The following PLXNA4 variants were observed in gnomAD, a reference collection of about 807,000 sequenced individuals.
PLXNA4 encodes the protein plexin A4, also known as plexin-A4.
Under a neutral mutation model 191.8 loss-of-function variants are expected in PLXNA4, and 44 were observed. The ratio of observed to expected loss-of-function variants is 0.23; its 90% confidence interval spans 0.18 to 0.29. The LOEUF (loss-of-function observed/expected upper bound fraction) is 0.29. PLXNA4 is among the 10% of genes least tolerant of loss of function. The pLI, the probability that PLXNA4 is intolerant of heterozygous loss-of-function variation, is 1.00. For missense variants in PLXNA4, 1,800 were observed against 2,488.8 expected (o/e 0.72, Z 5.89); for synonymous variants, 1,082 against 1,009.5 (o/e 1.07, Z -1.36).
intron 3 of PLXNA4, chr7:132,384,706 C>T: frequency 2.0e-6 from 2 of 1,018,060 alleles, no homozygotes; most frequent in East Asian, 1.1e-4. Context: ...ATCCTCTCTG[C>T]CCTGTGTATG....
At chr7:132,441,564 T>C (rs1044932448) in intron 3 of PLXNA4, among the ~76,000 whole-genome samples, 6 of 152,232 alleles carry the variant, frequency 3.9e-5, no homozygotes, top group Non-Finnish European at 8.8e-5. Context: ...CCCAAGGCTA[T>C]AGGACTTAGC....
At chr7:132,572,355 C>T (rs1477566939) in intron 1 of PLXNA4, among the ~76,000 whole-genome samples, 1 of 152,176 alleles carries the variant, frequency 6.6e-6, no homozygotes, top group East Asian at 1.9e-4. Context: ...TAAATATTGG[C>T]CACCATCATC....
At chr7:132,383,402 T>C (rs1299534886) in intron 3 of PLXNA4, 2 of 312,586 alleles carry the variant, frequency 6.4e-6, no homozygotes. Context: ...TAAATGCTCA[T>C]TAAAGAAAAT....
At chr7:132,455,138 A>G (rs750822355) in intron 3 of PLXNA4, among the ~76,000 whole-genome samples, 4 of 152,116 alleles carry the variant, frequency 2.6e-5, no homozygotes, top group Non-Finnish European at 2.9e-5. Flanking sequence ...CGCTGTTTGC[A>G]CTCACACACA....
intron 14 of PLXNA4, among the ~76,000 whole-genome samples, chr7:132,191,174 C>T (rs1158976582): frequency 2.0e-5 from 3 of 152,018 alleles, no homozygotes; most frequent in Admixed American, 2.0e-4. Context: ...CTTGAGGTGG[C>T]GGCTGACATG....
intron 1 of PLXNA4, among the ~76,000 whole-genome samples, chr7:132,526,456 G>A (rs113894475): frequency 0.03 from 4,597 of 152,294 alleles, 118 homozygotes; most frequent in Admixed American, 0.076. Context: ...AGGATAAAAT[G>A]AGTCTATCGG....
chr7:132,227,621 G>A lies in PLXNA4; in HGVS notation c.1729-17C>T, dbSNP rs200920634. The A allele has an allele frequency of 2.6e-3, 4,171 of 1,613,926 alleles. 15 individuals carry two copies. Among genetic ancestry groups the A allele is most frequent in the Non-Finnish European group, 2.8e-3 (3,280 of 1,179,880 alleles). On this transcript the variant is annotated splice_polypyrimidine_tract_variant and intron_variant, in intron 6 of 31. Coordinates refer to ENST00000321063, the MANE Select transcript of PLXNA4 (RefSeq NM_020911.2). ...CAGGACCAGCTGTGAACAGCCAGGC[G>A]GGGGGAGAGAAGGAGGAGGGTGAAA...
At chr7:132,171,409 C>T (rs1005271468) in intron 21 of PLXNA4, among the ~76,000 whole-genome samples, 3 of 152,242 alleles carry the variant, frequency 2.0e-5, no homozygotes, top group Admixed American at 6.5e-5. Context: ...CATCTTTCAC[C>T]ATATCTAGCC....
chr7:132,540,494 T>C (rs1476593642), intron 1 of PLXNA4, among the ~76,000 whole-genome samples: 2 of 149,604 alleles, frequency 1.3e-5, no homozygotes, highest in Non-Finnish European at 3.0e-5. Flanking sequence ...TAGTAGGAAT[T>C]CCCCAAATTT....
intron 1 of PLXNA4, among the ~76,000 whole-genome samples, chr7:132,534,600 G>T (rs911370509): frequency 2.0e-5 from 3 of 152,250 alleles, no homozygotes; most frequent in African/African-American, 7.2e-5. Context: ...CCTGAGAGCA[G>T]CCGGGAGCTG....
intron 3 of PLXNA4, among the ~76,000 whole-genome samples, chr7:132,373,042 C>T (rs1804509289): frequency 6.6e-6 from 1 of 152,168 alleles, no homozygotes; most frequent in Admixed American, 6.5e-5. Flanking sequence ...TGAGGGCTTA[C>T]CATCCATTAT....
rs115271214 is a variant in PLXNA4, at chr7:132,515,208, G to A, written c.-86-6429C>T. ...CGCTAGTGCCATCTTGTAATCACAG[G>A]GGTGAGAGCAGGGGACAGGAGCCTG... On this transcript the variant is annotated intron_variant, in intron 1 of 31. Coordinates refer to ENST00000321063, the MANE Select transcript of PLXNA4 (RefSeq NM_020911.2). Among the ~76,000 whole-genome samples, 1,055 of 152,262 alleles carry A rather than the reference G, an allele frequency of 6.9e-3. 6 individuals are homozygous for A. The highest frequency in any genetic ancestry group is 0.024 in the African/African-American group (1,007 of 41,556).
intron 3 of PLXNA4, among the ~76,000 whole-genome samples, chr7:132,458,185 A>AT (rs2117341357): frequency 6.6e-6 from 1 of 151,990 alleles, no homozygotes; most frequent in South Asian, 2.1e-4. Context: ...CATTCCTGCT[A>AT]TTTTCTGGTG....
intron 2 of PLXNA4, among the ~76,000 whole-genome samples, chr7:132,606,029 T>A (rs1012145697): frequency 6.6e-6 from 1 of 152,042 alleles, no homozygotes; most frequent in African/African-American, 2.4e-5. Context: ...CTGAGCACAA[T>A]GGCACACGCC....
chr7:132,365,362 CGT>C (rs1236168232), intron 3 of PLXNA4, among the ~76,000 whole-genome samples: 5 of 63,520 alleles, frequency 7.9e-5, no homozygotes, highest in Admixed American at 3.3e-4. Flanking sequence ...TGTGTGTGTG[CGT>C]GCGCGCGCAT....
At chr7:132,531,954 C>T (rs908040853) in intron 1 of PLXNA4, among the ~76,000 whole-genome samples, 5 of 152,176 alleles carry the variant, frequency 3.3e-5, no homozygotes, top group Admixed American at 1.3e-4. Context: ...TTTACAGATG[C>T]GGTAACTCAA....
At chr7:132,181,753 C>A (rs369536057) in intron 17 of PLXNA4, 133 bp from the exon 18 acceptor site, 4 of 1,444,660 alleles carry the variant, frequency 2.8e-6, no homozygotes, top group East Asian at 2.5e-5. Flanking sequence ...TGAGTCAGGG[C>A]CACACAATTG....
At chr7:132,410,510 C>T (rs974955692) in intron 3 of PLXNA4, among the ~76,000 whole-genome samples, 3 of 152,170 alleles carry the variant, frequency 2.0e-5, no homozygotes, top group African/African-American at 2.4e-5. Context: ...TCTGTCCCAA[C>T]GGGCAGTGAG....
intron 1 of PLXNA4, among the ~76,000 whole-genome samples, chr7:132,537,029 C>T (rs934844493): frequency 2.0e-5 from 3 of 152,156 alleles, no homozygotes; most frequent in African/African-American, 2.4e-5. Context: ...TAGAGAAGTC[C>T]GGGAAGCCTT....
Sources: allele counts gnomAD v4.1 joint callset (sites outside exome capture counted in the v4.1 genomes callset), GRCh38; gene constraint gnomAD v4.1.1; transcripts MANE v1.5; gene names NCBI Gene and HGNC (gene_info 2026-07-23, HGNC 2026-07-21).